Variants in PDE4D observed in about 807,000 individuals in gnomAD.
PDE4D encodes the protein 3',5'-cyclic-AMP phosphodiesterase 4D.
PDE4D carries 24 observed loss-of-function variants against 87.4 expected under a neutral mutation model. The observed-to-expected ratio is 0.27, with a 90% CI of 0.20 to 0.39. PDE4D has a LOEUF of 0.39. Ranked by LOEUF, PDE4D falls within the 10% of genes least tolerant of loss-of-function variation. The probability of loss-of-function intolerance (pLI) is 1.00; values close to 1 mark genes in which losing one functional copy is unlikely to be tolerated. For missense variants in PDE4D, 714 were observed against 1,041.0 expected, an observed-to-expected ratio of 0.69 and a Z score of 4.32; for synonymous variants, 384 against 383.2, an observed-to-expected ratio of 1.00 and a Z score of -0.02.
At chr5:59,017,282 G>C (rs1754208904) in intron 6 of PDE4D, among the ~76,000 whole-genome samples, 1 of 152,192 alleles carries the variant, frequency 6.6e-6, no homozygotes, top group East Asian at 1.9e-4. Flanking sequence ...TTGTAAAAGT[G>C]CTTGAGGCAA....
At chr5:60,264,953 A>G (rs907478690) in intron 1 of PDE4D, among the ~76,000 whole-genome samples, 7 of 152,238 alleles carry the variant, frequency 4.6e-5, no homozygotes, top group Non-Finnish European at 1.0e-4. Context: ...CTGGACACCA[A>G]GGATATCATG....
At chr5:59,650,212 A>G (rs1442970121) in intron 1 of PDE4D, among the ~76,000 whole-genome samples, 1 of 152,048 alleles carries the variant, frequency 6.6e-6, no homozygotes, top group East Asian at 1.9e-4. Flanking sequence ...ATGTTTTCAG[A>G]ACTAAGATGA....
At chr5:59,989,604 G>T (rs1238516731) in intron 2 of PDE4D, among the ~76,000 whole-genome samples, 1 of 152,094 alleles carries the variant, frequency 6.6e-6, no homozygotes, top group African/African-American at 2.4e-5. Context: ...GGACCCAGTA[G>T]AACTGTATTT....
intron 5 of PDE4D, among the ~76,000 whole-genome samples, chr5:59,113,649 C>G (rs140783434): frequency 8.4e-4 from 128 of 152,188 alleles, no homozygotes; most frequent in African/African-American, 2.8e-3. Context: ...GAAAGGATGC[C>G]CTAGGGTACA....
chr5:59,386,612 TCCAG>T (rs976920505), intron 1 of PDE4D, among the ~76,000 whole-genome samples: 3 of 143,780 alleles, frequency 2.1e-5, no homozygotes, highest in African/African-American at 7.7e-5. Flanking sequence ...GCCCAGGTAC[TCCAG>T]CCTGGGGCAC....
At chr5:59,422,784 G>T (rs1423522634) in intron 1 of PDE4D, among the ~76,000 whole-genome samples, 1 of 152,100 alleles carries the variant, frequency 6.6e-6, no homozygotes, top group Non-Finnish European at 1.5e-5. Flanking sequence ...TGCATGGTTG[G>T]GTGATGGATA....
intron 1 of PDE4D, among the ~76,000 whole-genome samples, chr5:59,293,996 C>T (rs1768559189): frequency 6.6e-6 from 1 of 152,166 alleles, no homozygotes; most frequent in Non-Finnish European, 1.5e-5. Flanking sequence ...CCTTGGAGAT[C>T]ATTTCTGAGA....
At chr5:60,518,231 G>A (rs1284165948) in intron 1 of PDE4D, among the ~76,000 whole-genome samples, 2 of 152,222 alleles carry the variant, frequency 1.3e-5, no homozygotes, top group African/African-American at 4.8e-5. Context: ...GCTCACCCTT[G>A]GCAGGCATAA....
chr5:59,094,851 TA>T (rs1227357055), intron 5 of PDE4D, among the ~76,000 whole-genome samples: 2 of 152,132 alleles, frequency 1.3e-5, no homozygotes, highest in African/African-American at 4.8e-5. Context: ...ACTTGGATAC[TA>T]AATATAGAGA....
intron 1 of PDE4D, among the ~76,000 whole-genome samples, chr5:59,711,933 C>G (rs1261364272): frequency 1.3e-5 from 2 of 152,020 alleles, no homozygotes; most frequent in African/African-American, 2.4e-5. Flanking sequence ...TTTACTTATC[C>G]ATTCACTCTT....
At chr5:59,893,094 G>T in intron 1 of PDE4D, 74 bp downstream of exon 1, 1 of 1,429,002 alleles carries the variant, frequency 7.0e-7, no homozygotes, top group South Asian at 1.3e-5. Context: ...GTGATAAGCC[G>T]ACTTAGATGG....
At chr5:60,499,565 C>G (rs569727104) in intron 1 of PDE4D, among the ~76,000 whole-genome samples, 77 of 152,270 alleles carry the variant, frequency 5.1e-4, no homozygotes, top group African/African-American at 1.8e-3. Context: ...GCTGATGGCT[C>G]TCTTTGGAAA....
At chr5:60,324,124 C>T (rs1173424197) in intron 1 of PDE4D, among the ~76,000 whole-genome samples, 2 of 152,166 alleles carry the variant, frequency 1.3e-5, no homozygotes, top group African/African-American at 4.8e-5. Context: ...ATCTCCAAGA[C>T]TTAGCTTAGC....
chr5:59,134,414 T>C (rs1776738623), intron 5 of PDE4D, among the ~76,000 whole-genome samples: 1 of 151,900 alleles, frequency 6.6e-6, no homozygotes, highest in Admixed American at 6.6e-5. Flanking sequence ...AGAGTCCAAT[T>C]TCAATTATAA....
chr5:59,967,053 A>C (rs1760127761), intron 3 of PDE4D, among the ~76,000 whole-genome samples: 1 of 152,152 alleles, frequency 6.6e-6, no homozygotes, highest in African/African-American at 2.4e-5. Flanking sequence ...GCTGACCTGG[A>C]GTTTTCTCAG....
intron 1 of PDE4D, among the ~76,000 whole-genome samples, chr5:60,380,596 G>A (rs1036399469): frequency 4.6e-5 from 7 of 152,238 alleles, no homozygotes; most frequent in Middle Eastern, 3.4e-3. Context: ...ATAGACAAAC[G>A]GCAGCATCAA....
At chr5:59,367,821 GA>G (rs1318095040) in intron 1 of PDE4D, among the ~76,000 whole-genome samples, 11 of 152,186 alleles carry the variant, frequency 7.2e-5, no homozygotes, top group African/African-American at 2.7e-4. Context: ...GAAAGAAGCA[GA>G]GCTCTTAGTA....
intron 1 of PDE4D, among the ~76,000 whole-genome samples, chr5:59,751,622 G>A (rs924237047): frequency 7.1e-6 from 1 of 140,684 alleles, no homozygotes; most frequent in Non-Finnish European, 1.5e-5. Flanking sequence ...ATGTGAGAGC[G>A]AGCGAGCGAG....
chr5:60,049,083 C>G (rs1467959085), intron 2 of PDE4D, among the ~76,000 whole-genome samples: 1 of 152,120 alleles, frequency 6.6e-6, no homozygotes, highest in African/African-American at 2.4e-5. Context: ...TCTTTTTTCT[C>G]TAAACTTCCC....
Sources: allele counts gnomAD v4.1 joint callset (sites outside exome capture counted in the v4.1 genomes callset), GRCh38; gene constraint gnomAD v4.1.1; transcripts MANE v1.5; gene names NCBI Gene and HGNC (gene_info 2026-07-23, HGNC 2026-07-21).